P3H3: variants seen among roughly 807,000 people sequenced by gnomAD.
P3H3 encodes the protein prolyl 3-hydroxylase 3, also known as gene rich cluster, B.
P3H3 carries 64 observed loss-of-function variants against 78.1 expected under a neutral mutation model. That is an observed-to-expected ratio of 0.82 (90% CI 0.67 to 1.01). The LOEUF is 1.01. Among genes scored for constraint, P3H3 ranks in the 50% least tolerant of loss-of-function variants. P3H3 has a pLI of 0.00. For synonymous variants in P3H3, 425 were observed against 416.7 expected (o/e 1.02, Z -0.24); for missense variants, 975 against 982.2 (o/e 0.99, Z 0.10).
In P3H3 at chr12:6,833,979, G is replaced by A; in HGVS notation, c.1388G>A (p.Gly463Glu). ...ACCCAGGATTCCAGGCAGCTGAATGGGTCGGAGCGGGCGGTGTTGGATGGG... is the reference window on the plus strand; with the variant it reads ...ACCCAGGATTCCAGGCAGCTGAATGAGTCGGAGCGGGCGGTGTTGGATGGG... ...TLTQDSRQLN[G>E]SERAVLDGLL... The change falls in exon 9 of 15, where the codon GGG becomes GAG. Residue 463 changes from glycine to glutamate, a missense_variant. Gly to Glu is a moderately conservative substitution (Grantham distance 98, BLOSUM62 -2). Transcript: ENST00000290510. 1 of 1,613,920 alleles carries A rather than the reference G, an allele frequency of 6.2e-7. No homozygotes were observed. Among genetic ancestry groups the A allele is most frequent in the African/African-American group, 1.3e-5 (1 of 75,062 alleles).
intron 2 of P3H3, 73 bp downstream of exon 2, chr12:6,830,084 G>A: frequency 1.3e-6 from 2 of 1,572,402 alleles, no homozygotes; most frequent in South Asian, 1.1e-5. Flanking sequence ...TCACTAAACT[G>A]TGCGTTGTGC....
At position 6,831,634 on chromosome 12, in the gene P3H3, A is replaced by G. The variant is rs1943451749; in HGVS notation, c.1123-191A>G. 6.7e-6 allele frequency among the ~76,000 whole-genome samples: 1 copy of G among 150,148 alleles called. No homozygotes were observed. The highest frequency in any genetic ancestry group is 6.6e-5 in the Admixed American group (1 of 15,060). ...TACACACACCCACACACTCACACAC[A>G]CTCCCACCCCCTACACCCTTTCCAG... On this transcript the variant is annotated intron_variant, in intron 5 of 14. Transcript: ENST00000290510. This position sits in a 1 kb window ranked among gnomAD's most constrained non-coding sequence, Gnocchi z 4.6.
At chr12:6,836,943 G>A (rs782456247) in intron 9 of P3H3, 42 bp from the exon 10 acceptor site, 5 of 1,476,564 alleles carry the variant, frequency 3.4e-6, no homozygotes, top group Non-Finnish European at 4.7e-6. Flanking sequence ...AGACAGTGAG[G>A]GGCTGGGGGA....
rs899253026 is a variant in P3H3, at chr12:6,831,208, C to G, written c.986-8C>G. ...CCCCAACCCCTGACCTTGTCGCTCC[C>G]TCTCCAGTGGGCAATCTGTCCCAGG... On this transcript the variant is annotated splice_region_variant and splice_polypyrimidine_tract_variant and intron_variant, in intron 4 of 14. Transcript: ENST00000290510. The surrounding 1 kb of genome is among the most constrained non-coding windows in gnomAD (Gnocchi z 4.6). 2.5e-6 allele frequency: 4 copies of G among 1,613,826 alleles called. No homozygotes were observed. The highest frequency in any genetic ancestry group is 2.2e-5 in the South Asian group (2 of 91,064).
chr12:6,829,064 C>A lies in P3H3; in HGVS notation c.498+126C>A, dbSNP rs1591577942. Reference sequence around the variant, plus strand: ...CCGCACGGGGCTGGGGAGCGTACCGCGGGCCTCTGCGTAGGAGCTGGCTAA... The same window carrying A: ...CCGCACGGGGCTGGGGAGCGTACCGAGGGCCTCTGCGTAGGAGCTGGCTAA... On this transcript the variant is annotated intron_variant, in intron 1 of 14. Coordinates refer to ENST00000290510, the MANE Select transcript of P3H3 (RefSeq NM_014262.5). This position sits in a 1 kb window ranked among gnomAD's most constrained non-coding sequence, Gnocchi z 5.1. 1.7e-6 allele frequency: 1 copy of A among 574,552 alleles called. No individual in the cohort carries two copies. Among genetic ancestry groups the A allele is most frequent in the Non-Finnish European group, 2.6e-6 (1 of 388,058 alleles). The allele number at this position is 574,552 out of a possible 1,614,324, so 35.6% of individuals were successfully genotyped here. A position where few individuals can be genotyped will look rare whatever the true frequency, so the allele number is the denominator to read the frequency against.
In P3H3 at chr12:6,829,533, G is replaced by A. The variant is rs1555120979; in HGVS notation, c.499-326G>A. 5.6e-6 allele frequency: 2 copies of A among 359,652 alleles called. No individual in the cohort carries two copies. Among genetic ancestry groups the A allele is most frequent in the Non-Finnish European group, 1.0e-5 (2 of 194,698 alleles). The allele number at this position is 359,652 out of a possible 1,614,324, so 22.3% of individuals were successfully genotyped here. A position where few individuals can be genotyped will look rare whatever the true frequency, so the allele number is the denominator to read the frequency against. On this transcript the variant is annotated intron_variant, in intron 1 of 14. Coordinates refer to ENST00000290510, the MANE Select transcript of P3H3 (RefSeq NM_014262.5). The surrounding 1 kb of genome is among the most constrained non-coding windows in gnomAD (Gnocchi z 5.1). ...CCTGCGGGTTTTGCTGGTCGCTGAG[G>A]TCTCCCCCACTTCCCCACCTCACTT...
Position 6,831,401 on chromosome 12 carries a change from A to G in P3H3, c.1122+49A>G. 1 of 1,608,992 alleles carries G rather than the reference A, an allele frequency of 6.2e-7. No individual in the cohort carries two copies. The highest frequency in any genetic ancestry group is 1.1e-5 in the South Asian group (1 of 90,892). ...TGGGAGGTAGCCCCAAATCAAACAA[A>G]TAGACCTGAGAAGTAACCTGGACCC... On this transcript the variant is annotated intron_variant, in intron 5 of 14. Coordinates refer to ENST00000290510, the MANE Select transcript of P3H3 (RefSeq NM_014262.5). This position sits in a 1 kb window ranked among gnomAD's most constrained non-coding sequence, Gnocchi z 4.6.
Position 6,830,529 on chromosome 12 carries a change from G to A in P3H3, c.828G>A (p.Gln276=), listed in dbSNP as rs782672632. The change falls in exon 3 of 15, where the codon CAG becomes CAA. Residue 276 remains glutamine (Q), a synonymous_variant. Transcript: ENST00000290510. The part of the protein sequence containing the change: ...AEEEEDGAAS[Q]GGLYEAIAGH... ...AAGAGGAGGATGGGGCTGCGAGCCAGGGGGGCCTCTATGAGGCCATTGCAG... is the reference window on the plus strand; with the variant it reads ...AAGAGGAGGATGGGGCTGCGAGCCAAGGGGGCCTCTATGAGGCCATTGCAG... 1.9e-6 allele frequency: 3 copies of A among 1,573,198 alleles called. No individual in the cohort carries two copies. Among genetic ancestry groups the A allele is most frequent in the Non-Finnish European group, 2.6e-6 (3 of 1,159,938 alleles).
chr12:6,828,990 G>C, intron 1 of P3H3, 52 bp downstream of exon 1: 1 of 1,047,658 alleles, frequency 9.5e-7, no homozygotes, highest in African/African-American at 1.6e-5. Context: ...CCACGACGCT[G>C]TCCTACTTTG....
chr12:6,835,297 C>T (rs781920843), intron 9 of P3H3, among the ~76,000 whole-genome samples: 1 of 152,044 alleles, frequency 6.6e-6, no homozygotes, highest in African/African-American at 2.4e-5. Context: ...ACAGAATCAT[C>T]ACTGGCTGGG....
In P3H3 at chr12:6,839,005, G is replaced by A; in HGVS notation, c.1911G>A (p.Arg637=). 2 of 1,595,614 alleles carry A rather than the reference G, an allele frequency of 1.3e-6. No homozygotes were observed. The highest frequency in any genetic ancestry group is 1.1e-5 in the South Asian group (1 of 88,192). Residue 637 remains arginine (R), a synonymous_variant, in exon 14 of 15, where the codon CGG becomes CGA. Coordinates refer to ENST00000290510, the MANE Select transcript of P3H3 (RefSeq NM_014262.5). ...TEPNALTVTA[R]VRPRCGRLVA... ...ACCTGCCCTCATCCCTCCAGGCTCG[G>A]GTGCGTCCTCGCTGTGGGCGCCTTG...
In P3H3 at chr12:6,829,218, T is replaced by A. The variant is rs889775780; in HGVS notation, c.498+280T>A. 1 of 360,774 alleles carries A rather than the reference T, an allele frequency of 2.8e-6. No homozygotes were observed. Among genetic ancestry groups the A allele is most frequent in the Non-Finnish European group, 4.9e-6 (1 of 202,232 alleles). 22.3% of individuals were successfully genotyped at this position (360,774 alleles called of 1,614,324 possible). ...GAAGATGGAGGGACAGGGCCGCCTC[T>A]TCCTAGGAATGAAGCGGAGGCGGTG... On this transcript the variant is annotated intron_variant, in intron 1 of 14. Transcript: ENST00000290510. This position sits in a 1 kb window ranked among gnomAD's most constrained non-coding sequence, Gnocchi z 5.1.
chr12:6,832,363 T>G (rs1274649395), intron 6 of P3H3, among the ~76,000 whole-genome samples: 5 of 152,098 alleles, frequency 3.3e-5, no homozygotes, highest in Non-Finnish European at 5.9e-5. Context: ...CTACTGATAT[T>G]TTGGATCTGA....
Position 6,839,618 on chromosome 12 carries a change from A to G in P3H3, c.*157A>G. ...ATCTTGGGGACCTACAAGGGCCTGG[A>G]CTCAGAGGACAGTGCACAGGCTAGC... On this transcript the variant is annotated 3_prime_UTR_variant, in exon 15 of 15. Coordinates refer to ENST00000290510, the MANE Select transcript of P3H3 (RefSeq NM_014262.5). 3 of 956,290 alleles carry G rather than the reference A, an allele frequency of 3.1e-6. No homozygotes were observed. Among genetic ancestry groups the G allele is most frequent in the Non-Finnish European group, 4.5e-6 (3 of 661,316 alleles). The allele number at this position is 956,290 out of a possible 1,614,324, so 59.2% of individuals were successfully genotyped here.
rs782461720 is a variant in P3H3 at position 6,833,550 on chromosome 12, G to A, written c.1213-42G>A. On this transcript the variant is annotated intron_variant, in intron 6 of 14. Coordinates refer to ENST00000290510, the MANE Select transcript of P3H3 (RefSeq NM_014262.5). ...AGCTCTAATGTCAGGGATTCCAGGGGCTGACCTTGGTGGGTGATGATGCTT... is the reference window on the plus strand; with the variant it reads ...AGCTCTAATGTCAGGGATTCCAGGGACTGACCTTGGTGGGTGATGATGCTT... 15 of 1,593,834 alleles carry A rather than the reference G, an allele frequency of 9.4e-6. No homozygotes were observed. In the Admixed American group the frequency reaches 1.5e-4, roughly 16 times the overall value.
In P3H3 at chr12:6,837,082, C is replaced by T. The variant is rs782655496; in HGVS notation, c.1556C>T (p.Ala519Val). Residue 519 changes from alanine (A) to valine (V), a missense_variant, in exon 10 of 15, where the codon GCG (alanine) becomes GTG (valine). By Grantham distance (64) the Ala-to-Val change is moderately conservative. Coordinates refer to ENST00000290510, the MANE Select transcript of P3H3 (RefSeq NM_014262.5). ...RFEGLTVLKA[A>V]QLARAGTVGS... ...GAGGGGCTCACGGTGCTTAAGGCTG[C>T]GCAGGTGAGCACAGGAGGCACCCGG... 25 of 1,602,084 alleles carry T rather than the reference C, an allele frequency of 1.6e-5. No individual in the cohort carries two copies. Among genetic ancestry groups the T allele is most frequent in the Non-Finnish European group, 1.7e-5 (20 of 1,178,978 alleles).
intron 10 of P3H3, 128 bp downstream of exon 10, chr12:6,837,214 C>T (rs1943507323): frequency 1.0e-6 from 1 of 998,492 alleles, no homozygotes; most frequent in Non-Finnish European, 1.5e-6. Context: ...CCTGATAGGA[C>T]CCAGCGTGGA....
At position 6,831,157 on chromosome 12, in the gene P3H3, G is replaced by C; in HGVS notation, c.986-59G>C. The C allele has an allele frequency of 6.2e-7, 1 of 1,608,022 alleles. No individual in the cohort carries two copies. The highest frequency in any genetic ancestry group is 1.7e-4 in the Middle Eastern group (1 of 6,056). ...TTCTCCAGCACTGCCTCTGCCCCAA[G>C]GATCAATGTGCTCTAAGTATTCATC... On this transcript the variant is annotated intron_variant, in intron 4 of 14. Coordinates refer to ENST00000290510, the MANE Select transcript of P3H3 (RefSeq NM_014262.5). This position sits in a 1 kb window ranked among gnomAD's most constrained non-coding sequence, Gnocchi z 4.6.
chr12:6,833,842 G>A (rs1555121763), intron 8 of P3H3, 33 bp downstream of exon 8: 2 of 1,612,392 alleles, frequency 1.2e-6, no homozygotes, highest in East Asian at 2.2e-5. Flanking sequence ...GCAGGAGCCT[G>A]GAGGGTCTGG....
Sources: gnomAD v4.1 joint callset for allele counts (sites outside exome capture counted in the v4.1 genomes callset) on GRCh38, gnomAD v4.1.1 for gene constraint, Gnocchi (gnomAD v3.1) non-coding constraint, MANE v1.5 for transcripts, NCBI Gene and HGNC (gene_info 2026-07-23, HGNC 2026-07-21) for gene names.